Variants in DDX6 observed in about 807,000 individuals in gnomAD.
DDX6 encodes the protein DEAD-box helicase 6.
Under a neutral mutation model 60.6 loss-of-function variants are expected in DDX6, and 7 were observed. The ratio of observed to expected loss-of-function variants is 0.12; its 90% CI spans 0.07 to 0.22. The LOEUF is 0.22. Ranked by LOEUF, DDX6 falls within the 10% of genes least tolerant of loss-of-function variation. The pLI, the probability that DDX6 is intolerant of heterozygous loss-of-function variation, is 1.00. For missense variants in DDX6, 270 were observed against 589.9 expected (o/e 0.46, Z 5.62); for synonymous variants, 207 against 201.0 (o/e 1.03, Z -0.25).
chr11:118,779,127 G>C (rs1449337154), intron 4 of DDX6, among the ~76,000 whole-genome samples: 3 of 137,794 alleles, frequency 2.2e-5, no homozygotes, highest in Non-Finnish European at 3.0e-5. Context: ...CTGAACTCCA[G>C]CCTGGGTGAC....
intron 3 of DDX6, 111 bp downstream of exon 3, chr11:118,781,010 T>C: frequency 1.5e-6 from 1 of 662,954 alleles, no homozygotes; most frequent in South Asian, 1.8e-5. Flanking sequence ...AGGAGGAGGG[T>C]GGCAGTGGTG....
chr11:118,767,121 A>C (rs1239851101), intron 5 of DDX6, among the ~76,000 whole-genome samples: 7 of 151,454 alleles, frequency 4.6e-5, no homozygotes, highest in Admixed American at 2.6e-4. Flanking sequence ...TCCTGACCTC[A>C]GGTGATCTGC....
chr11:118,783,256 A>C (rs1861962054), intron 2 of DDX6, among the ~76,000 whole-genome samples: 1 of 152,006 alleles, frequency 6.6e-6, no homozygotes, highest in East Asian at 1.9e-4. Flanking sequence ...ATCAAAATCC[A>C]CTGTTGTCCC....
rs1861877839 is a variant in DDX6 at position 118,780,952 on chromosome 11, T to C, written c.264+169A>G. Among the ~76,000 whole-genome samples the C allele has an allele frequency of 4.6e-5, 7 of 152,192 alleles. No homozygotes were observed. The South Asian group carries it at 1.4e-3, about 31-fold the overall frequency. On this transcript the variant is annotated intron_variant, in intron 3 of 13. Coordinates refer to ENST00000534980, the MANE Select transcript of DDX6 (RefSeq NM_004397.6). Reference sequence around the variant, plus strand: ...TAACTGCTGAGCATTTGTTTTCTCATCCACAAAATGGGAATATATAGCCTG... The same window carrying C: ...TAACTGCTGAGCATTTGTTTTCTCACCCACAAAATGGGAATATATAGCCTG...
Position 118,751,172 on chromosome 11 carries a change from A to AG in DDX6, c.*932dup, listed in dbSNP as rs1487834756. ...GGACACGCTTTGCCACAGAGGAAAG[A>AG]GGGCCAAGGCTCTGACATGTCTACA... On this transcript the variant is annotated 3_prime_UTR_variant, in exon 14 of 14. Transcript: ENST00000534980. The AG allele has an allele frequency of 1.1e-4, 16 of 152,320 alleles. No homozygotes were observed. Among genetic ancestry groups the AG allele is most frequent in the African/African-American group, 3.9e-4 (16 of 41,438 alleles). 9.4% of individuals were successfully genotyped at this position (152,320 alleles called of 1,614,324 possible).
At chr11:118,752,350 T>A (rs1860805755) in intron 13 of DDX6, among the ~76,000 whole-genome samples, 4 of 152,196 alleles carry the variant, frequency 2.6e-5, no homozygotes, top group Admixed American at 2.0e-4. Context: ...GGAAAAAAAT[T>A]AACCTTACAC....
At chr11:118,763,052 C>A (rs1555160592) in intron 7 of DDX6, among the ~76,000 whole-genome samples, 160 bp downstream of exon 7, 1 of 152,126 alleles carries the variant, frequency 6.6e-6, no homozygotes, top group Admixed American at 6.5e-5. Flanking sequence ...TCTACTCCCT[C>A]TGACGGGTAA....
intron 4 of DDX6, among the ~76,000 whole-genome samples, chr11:118,774,130 GAA>G (rs1157574396): frequency 6.6e-6 from 1 of 151,978 alleles, no homozygotes; most frequent in Non-Finnish European, 1.5e-5. Flanking sequence ...TTAGAGTTTC[GAA>G]AAAGTCTTCA....
intron 2 of DDX6, among the ~76,000 whole-genome samples, chr11:118,784,796 A>G (rs1202963564): frequency 2.0e-5 from 3 of 150,804 alleles, no homozygotes; most frequent in Non-Finnish European, 3.0e-5. Context: ...TTGTTGCCCA[A>G]GCTGGAGTGC....
intron 4 of DDX6, 59 bp from the exon 5 acceptor site, chr11:118,768,411 C>T (rs2137476428): frequency 1.3e-6 from 2 of 1,569,850 alleles, no homozygotes; most frequent in East Asian, 4.5e-5. Flanking sequence ...GCAAATTCCT[C>T]TCTGAAATAC....
intron 1 of DDX6, chr11:118,790,142 A>G (rs1417785657): frequency 6.6e-6 from 1 of 152,108 alleles, no homozygotes; most frequent in Non-Finnish European, 1.5e-5. Flanking sequence ...TTTATTCTGA[A>G]GGGAAATGGG....
intron 1 of DDX6, chr11:118,787,463 C>G (rs1252759883): frequency 4.7e-5 from 7 of 148,434 alleles, no homozygotes; most frequent in Non-Finnish European, 8.9e-5. Flanking sequence ...AGCCAGACTC[C>G]GTCTCAAAAA....
chr11:118,777,211 AGGTCAAACACT>A (rs1355415401), intron 4 of DDX6, among the ~76,000 whole-genome samples: 1 of 147,432 alleles, frequency 6.8e-6, no homozygotes, highest in Admixed American at 7.1e-5. Context: ...AGAATTCCCA[AGGTCAAACACT>A]TTCTAGGTCA....
At chr11:118,780,026 G>T (rs1433633359) in intron 3 of DDX6, among the ~76,000 whole-genome samples, 1 of 135,828 alleles carries the variant, frequency 7.4e-6, no homozygotes, top group Admixed American at 8.6e-5. Flanking sequence ...TGAGGCAGGA[G>T]AATCGCTTGA....
intron 3 of DDX6, 122 bp from the exon 4 acceptor site, chr11:118,779,858 G>A (rs1453772537): frequency 1.3e-5 from 9 of 682,602 alleles, no homozygotes; most frequent in Non-Finnish European, 2.2e-5. Context: ...GCTCATGCCT[G>A]TAATCCCAGC....
At chr11:118,754,581 T>C in intron 13 of DDX6, 124 bp downstream of exon 13, 1 of 779,960 alleles carries the variant, frequency 1.3e-6, no homozygotes, top group South Asian at 1.9e-5. Flanking sequence ...CTGTCATTTA[T>C]GCTAGTGGGT....
chr11:118,756,358 C>T, intron 10 of DDX6, 35 bp from the exon 11 acceptor site: 2 of 1,520,650 alleles, frequency 1.3e-6, no homozygotes, highest in Non-Finnish European at 1.8e-6. Context: ...TTGATTAACA[C>T]TCATATACAG....
intron 1 of DDX6, chr11:118,787,709 A>G (rs542029576): frequency 1.2e-4 from 19 of 152,284 alleles, no homozygotes; most frequent in African/African-American, 4.1e-4. Context: ...CAATAAATGA[A>G]GCAGTCAAGA....
chr11:118,761,033 A>T (rs1226842565), intron 7 of DDX6, among the ~76,000 whole-genome samples: 1 of 151,818 alleles, frequency 6.6e-6, no homozygotes, highest in African/African-American at 2.4e-5. Context: ...CCAACTACTC[A>T]GGAGGCTGAG....
Sources: gnomAD v4.1 joint callset for allele counts (sites outside exome capture counted in the v4.1 genomes callset) on GRCh38, gnomAD v4.1.1 for gene constraint, MANE v1.5 for transcripts, NCBI Gene and HGNC (gene_info 2026-07-23, HGNC 2026-07-21) for gene names.